PCDHGB7: variants seen among roughly 807,000 people sequenced by gnomAD.
PCDHGB7 encodes the protein protocadherin gamma subfamily B, 7, also known as protocadherin gamma-B7.
A neutral mutation model predicts 61.4 loss-of-function variants in PCDHGB7; 37 were observed. That is an observed-to-expected ratio of 0.60 (90% CI 0.46 to 0.79). The LOEUF (loss-of-function observed/expected upper bound fraction) is 0.79, where lower values mean the gene tolerates loss of function less well. Ranked by LOEUF, PCDHGB7 falls within the 30% of genes least tolerant of loss-of-function variation. PCDHGB7 has a pLI of 0.00. For synonymous variants in PCDHGB7, 464 were observed against 503.5 expected, an observed-to-expected ratio of 0.92 and a Z score of 1.05; for missense variants, 1,166 against 1,202.5, an observed-to-expected ratio of 0.97 and a Z score of 0.45.
At chr5:141,503,479 G>A (rs1203644194) in intron 2 of PCDHGB7, among the ~76,000 whole-genome samples, 5 of 151,616 alleles carry the variant, frequency 3.3e-5, no homozygotes, top group African/African-American at 9.7e-5. Context: ...TGCACTTGTC[G>A]TCCCAGCTGC....
intron 1 of PCDHGB7, among the ~76,000 whole-genome samples, chr5:141,463,572 C>T (rs1462125489): frequency 6.6e-6 from 1 of 151,572 alleles, no homozygotes; most frequent in African/African-American, 2.4e-5. Context: ...CCTCAGCCTC[C>T]CGAGTAGCTG....
chr5:141,458,567 TTTTG>T (rs144471304), intron 1 of PCDHGB7, among the ~76,000 whole-genome samples: 42,006 of 151,504 alleles, frequency 0.28, 6,493 homozygotes, highest in African/African-American at 0.43. Context: ...GGTTTTGGGT[TTTTG>T]TTTGTTTGTT....
intron 1 of PCDHGB7, chr5:141,421,118 T>A (rs572827470): frequency 1.3e-6 from 1 of 771,946 alleles, no homozygotes; most frequent in South Asian, 1.9e-5. Flanking sequence ...GTATTTTCCT[T>A]CGCTTTCTGA....
intron 1 of PCDHGB7, chr5:141,421,647 G>A: frequency 6.2e-7 from 1 of 1,613,872 alleles, no homozygotes; most frequent in Non-Finnish European, 8.5e-7. Context: ...ACGAAGTGGA[G>A]ATAAAAGTCA....
At chr5:141,479,189 G>A (rs1466742057) in intron 1 of PCDHGB7, 3 of 152,358 alleles carry the variant, frequency 2.0e-5, no homozygotes, top group African/African-American at 7.2e-5. Flanking sequence ...AGAAAATTCA[G>A]AAAATACAGA....
intron 1 of PCDHGB7, among the ~76,000 whole-genome samples, chr5:141,469,096 G>A (rs1191827174): frequency 6.6e-6 from 1 of 151,944 alleles, no homozygotes; most frequent in Non-Finnish European, 1.5e-5. Flanking sequence ...AGGCAACAAA[G>A]CAAGAACCTG....
intron 1 of PCDHGB7, among the ~76,000 whole-genome samples, chr5:141,474,311 G>T (rs1374954373): frequency 1.3e-5 from 2 of 152,134 alleles, no homozygotes. Context: ...AAACTTTAAT[G>T]TGTTTTCAAA....
chr5:141,444,350 T>C (rs1021358194), intron 1 of PCDHGB7, among the ~76,000 whole-genome samples: 7 of 151,946 alleles, frequency 4.6e-5, no homozygotes, highest in Admixed American at 2.0e-4. Context: ...TTTGTATTTT[T>C]AGTAGAGACG....
At chr5:141,500,244 T>C (rs1426405294) in intron 2 of PCDHGB7, among the ~76,000 whole-genome samples, 1 of 151,640 alleles carries the variant, frequency 6.6e-6, no homozygotes, top group Non-Finnish European at 1.5e-5. Context: ...AGCCTTGCTC[T>C]GTCACCCAGG....
At chr5:141,467,704 C>T (rs2099149502) in intron 1 of PCDHGB7, among the ~76,000 whole-genome samples, 2 of 152,174 alleles carry the variant, frequency 1.3e-5, no homozygotes. Flanking sequence ...CTCTGTTGCC[C>T]AGGCTGGAGT....
At position 141,418,021 on chromosome 5, in the gene PCDHGB7, A is replaced by G. The variant is rs748774040; in HGVS notation, c.162A>G (p.Leu54=). 6.8e-6 allele frequency: 11 copies of G among 1,613,978 alleles called. No individual in the cohort carries two copies. Among genetic ancestry groups the G allele is most frequent in the African/African-American group, 1.3e-5 (1 of 75,062 alleles). The change falls in exon 1 of 4, where the codon CTA becomes CTG. Residue 54 remains leucine, a synonymous_variant. Transcript: ENST00000398594. ...TGGTGGGGAACCTCGCTAAGGATCT[A>G]GGGCTTAGTGTCCTGGATGTGTCGG... is the stretch of plus-strand genomic sequence containing the variant. ...GSVVGNLAKD[L]GLSVLDVSAR...
intron 1 of PCDHGB7, chr5:141,421,189 C>T: frequency 1.4e-6 from 2 of 1,477,674 alleles, no homozygotes; most frequent in South Asian, 2.7e-5. Flanking sequence ...CACAACCAAC[C>T]AGCTCGAGAA....
chr5:141,456,157 A>G (rs1307977690), intron 1 of PCDHGB7, among the ~76,000 whole-genome samples: 3 of 152,052 alleles, frequency 2.0e-5, no homozygotes, highest in Admixed American at 1.3e-4. Context: ...TCGGCCTCCT[A>G]AAGTGCTGGG....
chr5:141,432,503 G>T lies in PCDHGB7; in HGVS notation c.2415+12229G>T, dbSNP rs939325676. 8.7e-6 allele frequency: 14 copies of T among 1,613,988 alleles called. No homozygotes were observed. The highest frequency in any genetic ancestry group is 1.3e-5 in the African/African-American group (1 of 74,930). ...TGGCGTGGAGCTGGCTCCCCGCTCC[G>T]CAGAGCCCGGCTACCTGGTGACCAA... On this transcript the variant is annotated intron_variant, in intron 1 of 3. Transcript: ENST00000398594. The surrounding 1 kb of genome is among the most constrained non-coding windows in gnomAD (Gnocchi z 6.0).
intron 1 of PCDHGB7, chr5:141,440,534 C>A (rs562736984): frequency 1.3e-5 from 2 of 152,188 alleles, no homozygotes; most frequent in East Asian, 3.9e-4. Flanking sequence ...TCATGCACCA[C>A]GGTTCAGCAG....
chr5:141,485,279 C>T lies in PCDHGB7; in HGVS notation c.2416-9528C>T. 1 of 1,614,108 alleles carries T rather than the reference C, an allele frequency of 6.2e-7. No individual in the cohort carries two copies. Among genetic ancestry groups the T allele is most frequent in the Non-Finnish European group, 8.5e-7 (1 of 1,179,966 alleles). ...TTGTGGGCAGATCCGCTACCCGGTC[C>T]CAGAGGAGTCACAGGAAGGGACTTT... On this transcript the variant is annotated intron_variant, in intron 1 of 3. Transcript: ENST00000398594. The surrounding 1 kb of genome is among the most constrained non-coding windows in gnomAD (Gnocchi z 5.7).
At position 141,476,033 on chromosome 5, in the gene PCDHGB7, C is replaced by T; in HGVS notation, c.2416-18774C>T. On this transcript the variant is annotated intron_variant, in intron 1 of 3. Transcript: ENST00000398594. The surrounding 1 kb of genome is among the most constrained non-coding windows in gnomAD (Gnocchi z 7.6). The stretch of plus-strand genomic sequence containing the variant: ...GCCATGTCGGACTCGGCGCCCAGCG[C>T]CCAAGCGCTAACCCGCTGAAAGTTT... 6.8e-7 allele frequency: 1 copy of T among 1,469,590 alleles called. No individual in the cohort carries two copies. Among genetic ancestry groups the T allele is most frequent in the Non-Finnish European group, 9.0e-7 (1 of 1,105,326 alleles). 91.0% of individuals were successfully genotyped at this position (1,469,590 alleles called of 1,614,324 possible). A position where few individuals can be genotyped will look rare whatever the true frequency, so the allele number is the denominator to read the frequency against.
intron 1 of PCDHGB7, among the ~76,000 whole-genome samples, chr5:141,482,442 C>T (rs942933015): frequency 1.4e-5 from 2 of 147,678 alleles, no homozygotes; most frequent in Non-Finnish European, 3.0e-5. Flanking sequence ...CTGATATTCA[C>T]CATTTATTAG....
chr5:141,466,115 C>A (rs2099117208), intron 1 of PCDHGB7, among the ~76,000 whole-genome samples: 1 of 151,618 alleles, frequency 6.6e-6, no homozygotes, highest in African/African-American at 2.4e-5. Context: ...GAGTGAGACT[C>A]CAGCTCAAAA....
Sources: gnomAD v4.1 joint callset for allele counts (sites outside exome capture counted in the v4.1 genomes callset) on GRCh38, gnomAD v4.1.1 for gene constraint, Gnocchi (gnomAD v3.1) non-coding constraint, MANE v1.5 for transcripts, NCBI Gene and HGNC (gene_info 2026-07-23, HGNC 2026-07-21) for gene names.